The following ACYP2 variants were observed in gnomAD, a reference collection of about 807,000 sequenced individuals.
The protein encoded by ACYP2 is acylphosphatase 2.
Under a neutral mutation model 11.2 loss-of-function variants are expected in ACYP2, and 12 were observed. The ratio of observed to expected loss-of-function variants is 1.08; its 90% CI spans 0.69 to 1.74. The LOEUF is 1.74. Among genes scored for constraint, ACYP2 ranks in the 40% most tolerant of loss-of-function variants. ACYP2 has a pLI of 0.00. For synonymous variants in ACYP2, 43 were observed against 32.2 expected (o/e 1.33, Z -1.13); for missense variants, 134 against 101.9 (o/e 1.31, Z -1.35).
At chr2:54,033,150 A>T (rs1363135265) in intron 2 of ACYP2, among the ~76,000 whole-genome samples, 2 of 151,806 alleles carry the variant, frequency 1.3e-5, no homozygotes, top group African/African-American at 2.4e-5. Flanking sequence ...GCTCACAGAG[A>T]TATGAGTGTG....
intron 2 of ACYP2, among the ~76,000 whole-genome samples, chr2:53,978,328 T>G (rs1225285092): frequency 6.6e-6 from 1 of 150,656 alleles, no homozygotes; most frequent in Non-Finnish European, 1.5e-5. Flanking sequence ...CAAAATGGAG[T>G]GACTGTGGAT....
intron 6 of ACYP2, among the ~76,000 whole-genome samples, chr2:54,144,175 G>A (rs929888078): frequency 3.3e-5 from 5 of 151,716 alleles, no homozygotes; most frequent in Middle Eastern, 3.4e-3. Flanking sequence ...GTCTCATTAC[G>A]TTGCCCAGGC....
chr2:53,996,924 G>A lies in ACYP2; in HGVS notation c.62+23114G>A, dbSNP rs1043669301. On this transcript the variant is annotated intron_variant, in intron 2 of 6. Coordinates refer to ENST00000607452, the MANE Select transcript of ACYP2 (RefSeq NM_001320586.2). ...TCAGTCTTTTGCTCAAAAATGTTGCGTCTCCCTATTATGTACAAAATAAAG... is the reference window on the plus strand; with the variant it reads ...TCAGTCTTTTGCTCAAAAATGTTGCATCTCCCTATTATGTACAAAATAAAG... Among the ~76,000 whole-genome samples the A allele has an allele frequency of 6.6e-5, 10 of 152,072 alleles. No homozygotes were observed. The South Asian group carries it at 8.3e-4, about 13-fold the overall frequency.
At chr2:54,126,790 A>G (rs1252607415) in intron 4 of ACYP2, among the ~76,000 whole-genome samples, 1 of 151,952 alleles carries the variant, frequency 6.6e-6, no homozygotes, top group Admixed American at 6.6e-5. Context: ...TCTACTAAAA[A>G]ATGCAAAAAA....
intron 4 of ACYP2, among the ~76,000 whole-genome samples, chr2:54,099,602 T>A (rs1678782117): frequency 6.6e-6 from 1 of 152,224 alleles, no homozygotes. Context: ...TTGTCACGAA[T>A]CACAGGATTT....
At chr2:54,160,694 C>T (rs1348325455) in intron 6 of ACYP2, among the ~76,000 whole-genome samples, 1 of 152,196 alleles carries the variant, frequency 6.6e-6, no homozygotes, top group Non-Finnish European at 1.5e-5. Flanking sequence ...GTGACTGGAA[C>T]ATAGGCAGAT....
intron 2 of ACYP2, chr2:53,973,868 T>C (rs1671311854): frequency 1.9e-5 from 2 of 105,096 alleles, no homozygotes; most frequent in Non-Finnish European, 3.5e-5. Flanking sequence ...TGTGTGTGTG[T>C]GTGTGTGTGT....
intron 2 of ACYP2, chr2:54,029,467 A>G (rs1280501433): frequency 2.5e-5 from 8 of 322,544 alleles, no homozygotes; most frequent in South Asian, 1.8e-4. Flanking sequence ...ACACACATAT[A>G]TGTGTATATA....
intron 6 of ACYP2, among the ~76,000 whole-genome samples, chr2:54,252,516 T>C (rs567781599): frequency 6.6e-6 from 1 of 152,330 alleles, no homozygotes; most frequent in South Asian, 2.1e-4. Context: ...ATGGGCCTTT[T>C]GGTATCTCTG....
At chr2:54,027,543 G>A (rs1344153864) in intron 2 of ACYP2, among the ~76,000 whole-genome samples, 1 of 152,078 alleles carries the variant, frequency 6.6e-6, no homozygotes. Context: ...GTTTCTGAAA[G>A]CTCTCATGTC....
intron 2 of ACYP2, among the ~76,000 whole-genome samples, chr2:54,031,855 T>C (rs1445800984): frequency 6.6e-6 from 1 of 152,224 alleles, no homozygotes; most frequent in African/African-American, 2.4e-5. Context: ...GTGGTTTTGA[T>C]TTGCATTTAT....
chr2:54,062,212 G>A (rs1207999511), intron 4 of ACYP2, among the ~76,000 whole-genome samples: 1 of 152,160 alleles, frequency 6.6e-6, no homozygotes, highest in Non-Finnish European at 1.5e-5. Context: ...GAAGGCATGG[G>A]TTCTCTGGAC....
chr2:54,117,235 A>G (rs1020152274), intron 4 of ACYP2, among the ~76,000 whole-genome samples: 2 of 152,286 alleles, frequency 1.3e-5, no homozygotes, highest in Admixed American at 6.5e-5. Flanking sequence ...AAAATATAAA[A>G]AGTATGATAA....
chr2:54,247,592 A>G (rs954498900), intron 6 of ACYP2, among the ~76,000 whole-genome samples: 4 of 152,202 alleles, frequency 2.6e-5, no homozygotes, highest in African/African-American at 7.2e-5. Context: ...TTATATTTAA[A>G]TGGAAAACAT....
intron 4 of ACYP2, among the ~76,000 whole-genome samples, chr2:54,121,309 C>A (rs1680143132): frequency 6.6e-6 from 1 of 152,036 alleles, no homozygotes; most frequent in South Asian, 2.1e-4. Context: ...CTAATTGTTC[C>A]ATGGGTGGGC....
intron 6 of ACYP2, among the ~76,000 whole-genome samples, chr2:54,156,926 C>T (rs1682461533): frequency 6.6e-6 from 1 of 152,098 alleles, no homozygotes; most frequent in African/African-American, 2.4e-5. Context: ...CCTCGGCCTC[C>T]CAAAGTGCTG....
At chr2:54,188,460 G>C (rs1255059816) in intron 6 of ACYP2, among the ~76,000 whole-genome samples, 2 of 152,066 alleles carry the variant, frequency 1.3e-5, no homozygotes, top group African/African-American at 4.8e-5. Context: ...AAAAGAGCAA[G>C]CAGTAGATAT....
intron 2 of ACYP2, among the ~76,000 whole-genome samples, chr2:54,037,664 T>TC (rs1674983398): frequency 6.6e-6 from 1 of 152,106 alleles, no homozygotes; most frequent in African/African-American, 2.4e-5. Flanking sequence ...CCCCTCACCC[T>TC]CCCAAAGTGC....
chr2:54,133,592 C>T (rs1048319233), intron 4 of ACYP2, among the ~76,000 whole-genome samples: 23 of 152,190 alleles, frequency 1.5e-4, no homozygotes, highest in Admixed American at 1.3e-3. Flanking sequence ...AACCAACTCT[C>T]AAGTAGGAGC....
Sources: allele counts gnomAD v4.1 joint callset (sites outside exome capture counted in the v4.1 genomes callset), GRCh38; gene constraint gnomAD v4.1.1; transcripts MANE v1.5; gene names NCBI Gene and HGNC (gene_info 2026-07-23, HGNC 2026-07-21).